The following ZNF407 variants were observed in gnomAD, a reference collection of about 807,000 sequenced individuals.
The protein encoded by ZNF407 is zinc finger protein 407.
Under a neutral mutation model 131.2 loss-of-function variants are expected in ZNF407, and 17 were observed. The ratio of observed to expected loss-of-function variants is 0.13; its 90% CI spans 0.09 to 0.19. ZNF407 has a LOEUF of 0.19. ZNF407 is among the 10% of genes least tolerant of loss of function. ZNF407 has a pLI of 1.00. For missense variants in ZNF407, 2,681 were observed against 2,830.6 expected (o/e 0.95, Z 1.20); for synonymous variants, 1,156 against 1,062.0 (o/e 1.09, Z -1.72).
intron 1 of ZNF407, among the ~76,000 whole-genome samples, chr18:74,609,931 C>T (rs1193838724): frequency 6.6e-6 from 1 of 152,084 alleles, no homozygotes; most frequent in Non-Finnish European, 1.5e-5. Context: ...ATTTGTAGAT[C>T]ATGTGGATGA....
At chr18:74,951,464 A>T (rs1049810489) in intron 8 of ZNF407, among the ~76,000 whole-genome samples, 1 of 152,208 alleles carries the variant, frequency 6.6e-6, no homozygotes, top group Admixed American at 6.5e-5. Flanking sequence ...ACTGAGCGTG[A>T]GTTCTCAGTA....
chr18:74,921,117 C>T, intron 8 of ZNF407: 1 of 695,332 alleles, frequency 1.4e-6, no homozygotes, highest in East Asian at 1.3e-4. Flanking sequence ...AAGAATGTGA[C>T]CTGCGACCAC....
At chr18:74,760,144 T>A (rs1278214154) in intron 3 of ZNF407, among the ~76,000 whole-genome samples, 1 of 152,200 alleles carries the variant, frequency 6.6e-6, no homozygotes, top group Admixed American at 6.5e-5. Context: ...GTATTCTTTG[T>A]CATGTGTGGC....
chr18:75,010,674 A>G (rs1345339571), intron 8 of ZNF407, among the ~76,000 whole-genome samples: 1 of 152,180 alleles, frequency 6.6e-6, no homozygotes, highest in Non-Finnish European at 1.5e-5. Flanking sequence ...CTATATAGCC[A>G]TGGTGAAACC....
At chr18:75,049,126 C>T (rs1479432957) in intron 8 of ZNF407, among the ~76,000 whole-genome samples, 4 of 149,316 alleles carry the variant, frequency 2.7e-5, no homozygotes, top group East Asian at 3.9e-4. Context: ...GGGAGTTGTT[C>T]GTCATGATCT....
chr18:74,776,351 G>A (rs1466654165), intron 3 of ZNF407, among the ~76,000 whole-genome samples: 2 of 152,148 alleles, frequency 1.3e-5, no homozygotes, highest in African/African-American at 4.8e-5. Context: ...GTATTTTGTT[G>A]TAGAAGCCCT....
intron 3 of ZNF407, among the ~76,000 whole-genome samples, chr18:74,658,466 C>G (rs969026114): frequency 6.6e-6 from 1 of 152,024 alleles, no homozygotes; most frequent in African/African-American, 2.4e-5. Context: ...ATTTTCCTAA[C>G]TACTATTTAC....
intron 4 of ZNF407, among the ~76,000 whole-genome samples, chr18:74,804,919 T>C (rs533348139): frequency 6.6e-6 from 1 of 152,360 alleles, no homozygotes; most frequent in South Asian, 2.1e-4. Context: ...CAATCCTCAC[T>C]GTTAACAGCA....
chr18:75,054,471 T>A (rs1568313127), intron 8 of ZNF407, among the ~76,000 whole-genome samples: 2 of 152,244 alleles, frequency 1.3e-5, no homozygotes, highest in African/African-American at 2.4e-5. Context: ...TGGGTTTTTT[T>A]ATAGGGTTTT....
intron 3 of ZNF407, among the ~76,000 whole-genome samples, chr18:74,714,146 G>T (rs1390012754): frequency 6.6e-6 from 1 of 152,172 alleles, no homozygotes; most frequent in African/African-American, 2.4e-5. Context: ...TTATTATAAA[G>T]AATATTTTCT....
At chr18:74,735,163 T>C (rs1968383906) in intron 3 of ZNF407, among the ~76,000 whole-genome samples, 1 of 152,208 alleles carries the variant, frequency 6.6e-6, no homozygotes, top group African/African-American at 2.4e-5. Flanking sequence ...AATCATCTGG[T>C]TTTCTTGTGA....
chr18:74,916,721 G>A (rs1292137335), intron 7 of ZNF407, among the ~76,000 whole-genome samples: 2 of 145,134 alleles, frequency 1.4e-5, no homozygotes. Flanking sequence ...GTGTGTATGT[G>A]TGTGTGTGCA....
chr18:74,598,493 T>G (rs1982413565), intron 1 of ZNF407: 1 of 152,288 alleles, frequency 6.6e-6, no homozygotes, highest in South Asian at 2.1e-4. Flanking sequence ...AGCGTCTGGT[T>G]TCCAGCAGGG....
chr18:74,851,899 A>G (rs147386219), intron 4 of ZNF407, among the ~76,000 whole-genome samples: 91 of 152,346 alleles, frequency 6.0e-4, no homozygotes, highest in African/African-American at 2.1e-3. Context: ...ATCTTGAACA[A>G]AAGTTAGAGC....
At chr18:74,986,005 T>C (rs1345888416) in intron 8 of ZNF407, among the ~76,000 whole-genome samples, 1 of 152,200 alleles carries the variant, frequency 6.6e-6, no homozygotes, top group African/African-American at 2.4e-5. Flanking sequence ...AGAATACTTA[T>C]GAGGATGGAA....
intron 8 of ZNF407, among the ~76,000 whole-genome samples, chr18:74,988,345 C>T (rs1972677838): frequency 6.6e-6 from 1 of 151,914 alleles, no homozygotes; most frequent in Non-Finnish European, 1.5e-5. Context: ...TTGAGATATT[C>T]AGAGATTTCT....
At chr18:75,012,138 T>G (rs1358480413) in intron 8 of ZNF407, among the ~76,000 whole-genome samples, 6 of 152,190 alleles carry the variant, frequency 3.9e-5, no homozygotes, top group African/African-American at 1.4e-4. Flanking sequence ...TGTCACATTG[T>G]AGAATGTATC....
At chr18:74,925,143 T>C (rs1971896091) in intron 8 of ZNF407, among the ~76,000 whole-genome samples, 1 of 152,198 alleles carries the variant, frequency 6.6e-6, no homozygotes, top group Non-Finnish European at 1.5e-5. Flanking sequence ...CCTCATACTT[T>C]TGTATCACAT....
At chr18:75,058,677 T>C (rs890134967) in intron 8 of ZNF407, among the ~76,000 whole-genome samples, 1 of 152,236 alleles carries the variant, frequency 6.6e-6, no homozygotes, top group South Asian at 2.1e-4. Flanking sequence ...ACGTGCCTGT[T>C]TCCCAAACGC....
Sources: gnomAD v4.1 joint callset for allele counts (sites outside exome capture counted in the v4.1 genomes callset) on GRCh38, gnomAD v4.1.1 for gene constraint, MANE v1.5 for transcripts, NCBI Gene and HGNC (gene_info 2026-07-23, HGNC 2026-07-21) for gene names.